P4HA1: variants seen among roughly 807,000 people sequenced by gnomAD.
P4HA1 encodes prolyl 4-hydroxylase subunit alpha 1.
Under a neutral mutation model 72.8 loss-of-function variants are expected in P4HA1, and 24 were observed. The ratio of observed to expected loss-of-function variants is 0.33; its 90% confidence interval spans 0.24 to 0.46. P4HA1 has a LOEUF of 0.46. P4HA1 is among the 20% of genes least tolerant of loss of function. P4HA1 has a pLI of 1.00. For synonymous variants in P4HA1, 201 were observed against 218.8 expected, an observed-to-expected ratio of 0.92 and a Z score of 0.72; for missense variants, 446 against 640.6, an observed-to-expected ratio of 0.70 and a Z score of 3.28.
chr10:73,016,023 G>GGCTCCTCTGT (rs1840001689), intron 11 of P4HA1, among the ~76,000 whole-genome samples: 1 of 152,012 alleles, frequency 6.6e-6, no homozygotes, highest in South Asian at 2.1e-4. Flanking sequence ...CAACTACTCA[G>GGCTCCTCTGT]GCTCCTCTGA....
intron 9 of P4HA1, chr10:73,043,938 T>C (rs1176905250): frequency 1.9e-6 from 3 of 1,613,132 alleles, no homozygotes; most frequent in Admixed American, 1.7e-5. Context: ...CTCAGGGTCA[T>C]GTACTGTAGC....
chr10:73,009,513 C>T (rs1174940534), intron 14 of P4HA1: 1 of 256,628 alleles, frequency 3.9e-6, no homozygotes, highest in Non-Finnish European at 7.7e-6. Context: ...ACATTATAAT[C>T]CATTAGTATG....
At chr10:73,055,664 T>C (rs537375931) in intron 5 of P4HA1, among the ~76,000 whole-genome samples, 1 of 152,380 alleles carries the variant, frequency 6.6e-6, no homozygotes, top group South Asian at 2.1e-4. Flanking sequence ...CAGTGAAACT[T>C]CTATTTTAAG....
chr10:73,059,453 A>T (rs1841253912), intron 5 of P4HA1, among the ~76,000 whole-genome samples: 1 of 136,432 alleles, frequency 7.3e-6, no homozygotes, highest in African/African-American at 2.7e-5. Flanking sequence ...AAAAAAAAAA[A>T]AAAAAAAAGG....
At chr10:73,072,980 G>T (rs912924307) in intron 3 of P4HA1, among the ~76,000 whole-genome samples, 9 of 151,922 alleles carry the variant, frequency 5.9e-5, no homozygotes, top group Non-Finnish European at 1.2e-4. Context: ...GACCAGCCTG[G>T]CCAACATGGC....
intron 9 of P4HA1, among the ~76,000 whole-genome samples, chr10:73,041,327 G>A (rs12164712): frequency 0.03 from 4,490 of 152,050 alleles, 208 homozygotes; most frequent in African/African-American, 0.096. Flanking sequence ...GGCGGGTCAC[G>A]AGGTCAGGAG....
At chr10:73,085,769 C>A (rs183077534) in intron 1 of P4HA1, among the ~76,000 whole-genome samples, 1 of 152,294 alleles carries the variant, frequency 6.6e-6, no homozygotes, top group East Asian at 1.9e-4. Flanking sequence ...CATCATTCAT[C>A]ACTATGAAAA....
intron 4 of P4HA1, among the ~76,000 whole-genome samples, chr10:73,069,920 C>T (rs749400843): frequency 2.9e-4 from 44 of 151,468 alleles, no homozygotes; most frequent in Non-Finnish European, 5.3e-4. Context: ...AAGCAATTAT[C>T]TTGCCTCAGC....
At chr10:73,035,262 T>A (rs1564624143) in intron 9 of P4HA1, among the ~76,000 whole-genome samples, 2 of 151,542 alleles carry the variant, frequency 1.3e-5, no homozygotes, top group Admixed American at 1.3e-4. Flanking sequence ...TCTAATAACC[T>A]CCCAGCACTT....
At chr10:73,071,974 T>C in intron 4 of P4HA1, 55 bp downstream of exon 4, 1 of 1,355,416 alleles carries the variant, frequency 7.4e-7, no homozygotes, top group African/African-American at 1.4e-5. Context: ...ATTAATTTTA[T>C]TATTTCTACA....
chr10:73,054,053 A>G (rs534502671), intron 5 of P4HA1, among the ~76,000 whole-genome samples: 2 of 152,092 alleles, frequency 1.3e-5, no homozygotes, highest in Non-Finnish European at 2.9e-5. Context: ...AGTAGCTGGG[A>G]TTATAGGCAT....
At chr10:73,037,573 T>A (rs7908892) in intron 9 of P4HA1, among the ~76,000 whole-genome samples, 713 of 28,450 alleles carry the variant, frequency 0.025, 9 homozygotes, top group Middle Eastern at 0.045. Context: ...ATATATATAT[T>A]TTTTTTTTTT....
chr10:73,057,865 G>A (rs765554967), intron 5 of P4HA1, among the ~76,000 whole-genome samples: 2 of 151,768 alleles, frequency 1.3e-5, no homozygotes, highest in Non-Finnish European at 2.9e-5. Context: ...GGAGGCAGAC[G>A]GACTACTTGA....
At chr10:73,088,425 T>C (rs1402029729) in intron 1 of P4HA1, among the ~76,000 whole-genome samples, 1 of 152,186 alleles carries the variant, frequency 6.6e-6, no homozygotes, top group Non-Finnish European at 1.5e-5. Flanking sequence ...ATTCCCTCCC[T>C]TGGTACTGGT....
intron 10 of P4HA1, among the ~76,000 whole-genome samples, chr10:73,027,607 A>G (rs1333595402): frequency 1.8e-5 from 2 of 113,330 alleles, no homozygotes; most frequent in Non-Finnish European, 3.4e-5. Flanking sequence ...AAAAAAAAAA[A>G]GGGAAGGAAG....
intron 10 of P4HA1, among the ~76,000 whole-genome samples, chr10:73,019,340 C>T (rs953130502): frequency 1.3e-5 from 2 of 152,096 alleles, no homozygotes; most frequent in Non-Finnish European, 2.9e-5. Flanking sequence ...GATGCACAGA[C>T]ATCAATGCAG....
intron 12 of P4HA1, among the ~76,000 whole-genome samples, chr10:73,012,498 G>A (rs1195288543): frequency 6.6e-6 from 1 of 151,984 alleles, no homozygotes; most frequent in African/African-American, 2.4e-5. Flanking sequence ...TTTTTTATAT[G>A]AATCTTTGTA....
intron 9 of P4HA1, among the ~76,000 whole-genome samples, chr10:73,034,296 T>C (rs1279689525): frequency 6.6e-6 from 1 of 150,656 alleles, no homozygotes; most frequent in Non-Finnish European, 1.5e-5. Context: ...GTAAAATATA[T>C]ATAACAGCAA....
chr10:73,016,770 G>GT (rs1840015003), intron 11 of P4HA1, 76 bp downstream of exon 11: 2 of 1,127,444 alleles, frequency 1.8e-6, no homozygotes, highest in Non-Finnish European at 2.7e-6. Flanking sequence ...GAGTGAGACT[G>GT]TTTTTTTGTT....
Sources: gnomAD v4.1 joint callset for allele counts (sites outside exome capture counted in the v4.1 genomes callset) on GRCh38, gnomAD v4.1.1 for gene constraint, MANE v1.5 for transcripts, NCBI Gene and HGNC (gene_info 2026-07-23, HGNC 2026-07-21) for gene names.